SPTBN5: variants seen among roughly 807,000 people sequenced by gnomAD.
SPTBN5 encodes spectrin beta, non-erythrocytic 5.
SPTBN5 carries 513 observed loss-of-function variants against 477.6 expected under a neutral mutation model. The ratio of observed to expected loss-of-function variants is 1.07; its 90% CI spans 1.00 to 1.16. SPTBN5 has a LOEUF of 1.16. Ranked by LOEUF, SPTBN5 falls within the 50% of genes most tolerant of loss-of-function variation. SPTBN5 has a pLI of 0.00. For synonymous variants in SPTBN5, 2,169 were observed against 2,011.7 expected, an observed-to-expected ratio of 1.08 and a Z score of -2.09; for missense variants, 5,062 against 4,731.8, an observed-to-expected ratio of 1.07 and a Z score of -2.05.
chr15:41,865,793 GCAA>G lies in SPTBN5; in HGVS notation c.6918+12_6918+14del. The G allele has an allele frequency of 6.4e-7, 1 of 1,550,942 alleles. No homozygotes were observed. Among genetic ancestry groups the G allele is most frequent in the Non-Finnish European group, 8.7e-7 (1 of 1,147,284 alleles). On this transcript the variant is annotated intron_variant, in intron 39 of 67. Coordinates refer to ENST00000320955, the MANE Select transcript of SPTBN5 (RefSeq NM_016642.4). ...GGGATGCATGGCCAACCTCTACCCA[GCAA>G]GGCCCTCTTACCCCGGCCGAGTTTC... is the stretch of plus-strand genomic sequence containing the variant.
Position 41,882,002 on chromosome 15 carries a change from G to C in SPTBN5, c.2391C>G (p.Phe797Leu). The change falls in exon 12 of 68, where the codon TTC becomes TTG. Residue 797 changes from phenylalanine to leucine, a missense_variant. Transcript: ENST00000320955. ...HVRLERVLRA[F>L]AAELRRLEEQ... ...CCTCCAGCCGCCGCAGCTCGGCCGC[G>C]AAGGCGCGCAGGACGCGCTCCAGCC... 2 of 1,537,086 alleles carry C rather than the reference G, an allele frequency of 1.3e-6. No homozygotes were observed. Among genetic ancestry groups the C allele is most frequent in the Non-Finnish European group, 1.7e-6 (2 of 1,151,166 alleles).
chr15:41,860,297 C>T (rs571264195), intron 47 of SPTBN5, among the ~76,000 whole-genome samples: 15 of 152,352 alleles, frequency 9.8e-5, no homozygotes, highest in South Asian at 4.1e-4. Context: ...CCTTCCGTTT[C>T]GTGAGATGAT....
chr15:41,876,665 G>GGGGGGGGGGT lies in SPTBN5; in HGVS notation c.3852-19_3852-18insACCCCCCCCC. ...CTCTGACCCTGGAGGGCGGGGGGGG[G>GGGGGGGGGGT]TTGGAGGAGGGCATGGGAGAGGACT... On this transcript the variant is annotated intron_variant, in intron 19 of 67. Transcript: ENST00000320955. The GGGGGGGGGGT allele has an allele frequency of 1.5e-6, 2 of 1,292,942 alleles. No individual in the cohort carries two copies. Among genetic ancestry groups the GGGGGGGGGGT allele is most frequent in the Non-Finnish European group, 1.1e-6 (1 of 904,826 alleles). 80.1% of individuals were successfully genotyped at this position (1,292,942 alleles called of 1,614,324 possible).
chr15:41,851,883 G>C, intron 62 of SPTBN5, 33 bp from the exon 63 acceptor site: 1 of 1,569,566 alleles, frequency 6.4e-7, no homozygotes, highest in Non-Finnish European at 8.7e-7. Flanking sequence ...AGAAATGTCA[G>C]GACCAGCACC....
At position 41,876,656 on chromosome 15, in the gene SPTBN5, C is replaced by CGGGGGGG; in HGVS notation, c.3852-16_3852-10dup. 1 of 703,386 alleles carries CGGGGGGG rather than the reference C, an allele frequency of 1.4e-6. No individual in the cohort carries two copies. Among genetic ancestry groups the CGGGGGGG allele is most frequent in the Non-Finnish European group, 2.2e-6 (1 of 455,608 alleles). 43.6% of individuals were successfully genotyped at this position (703,386 alleles called of 1,614,324 possible). ...GCAGCTGCTCTCTGACCCTGGAGGG[C>CGGGGGGG]GGGGGGGGGTTGGAGGAGGGCATGG... On this transcript the variant is annotated splice_polypyrimidine_tract_variant and intron_variant, in intron 19 of 67. Transcript: ENST00000320955.
At chr15:41,852,396 C>T (rs1202695734) in intron 61 of SPTBN5, 80 bp from the exon 62 acceptor site, 3 of 1,479,864 alleles carry the variant, frequency 2.0e-6, no homozygotes, top group Non-Finnish European at 2.7e-6. Flanking sequence ...TACCTCCCCT[C>T]CCCCAGCCCT....
Position 41,883,437 on chromosome 15 carries a change from C to G in SPTBN5, c.1570G>C (p.Gly524Arg), listed in dbSNP as rs1488984909. 1.9e-6 allele frequency: 3 copies of G among 1,613,952 alleles called. No individual in the cohort carries two copies. Among genetic ancestry groups the G allele is most frequent in the Non-Finnish European group, 2.5e-6 (3 of 1,179,888 alleles). The change falls in exon 8 of 68, where the codon GGA becomes CGA. Residue 524 changes from glycine to arginine, a missense_variant. Coordinates refer to ENST00000320955, the MANE Select transcript of SPTBN5 (RefSeq NM_016642.4). ...RWQRLLQHLQ[G>R]QRKQVADMQA... ...ATGTCTGCCACCTGCTTCCTCTGTC[C>G]CTGTAGATGCTGAAGGAGCCTCTGC...
intron 52 of SPTBN5, 122 bp from the exon 53 acceptor site, chr15:41,856,720 T>C: frequency 7.5e-7 from 1 of 1,334,144 alleles, no homozygotes; most frequent in Non-Finnish European, 1.0e-6. Context: ...TCCCCATGAC[T>C]CCCAAAGAAT....
chr15:41,873,786 G>A (rs2066621117), intron 25 of SPTBN5, 59 bp downstream of exon 25: 5 of 1,589,542 alleles, frequency 3.1e-6, no homozygotes, highest in South Asian at 2.2e-5. Context: ...CCCACAGGTG[G>A]CCCCTCAAGG....
chr15:41,850,978 T>C (rs2065736081), intron 65 of SPTBN5, 39 bp from the exon 66 acceptor site: 1 of 1,590,164 alleles, frequency 6.3e-7, no homozygotes, highest in African/African-American at 1.3e-5. Flanking sequence ...CACTGTCCCT[T>C]TGGGGACCCC....
chr15:41,880,375 G>A, intron 13 of SPTBN5, 63 bp from the exon 14 acceptor site: 2 of 1,482,196 alleles, frequency 1.3e-6, no homozygotes, highest in Admixed American at 4.7e-5. Context: ...TCTCAGAGCG[G>A]GTCAAAGGGG....
In SPTBN5 at chr15:41,874,322, A is replaced by G. The variant is rs748118894; in HGVS notation, c.4659T>C (p.Asn1553=). 1.2e-6 allele frequency: 2 copies of G among 1,613,588 alleles called. No homozygotes were observed. The highest frequency in any genetic ancestry group is 2.2e-5 in the South Asian group (2 of 91,064). The stretch of plus-strand genomic sequence containing the variant: ...GCTTGCGGTGAAGGCTCTGGGCACC[A>G]TTCAAGCACTCGGTATAGCTGGTGG... ...GSPTSYTECL[N]GAQSLHRKHK... Residue 1553 remains asparagine, a synonymous_variant, in exon 24 of 68, where the codon AAT becomes AAC. Coordinates refer to ENST00000320955, the MANE Select transcript of SPTBN5 (RefSeq NM_016642.4).
rs1173492596 is a variant in SPTBN5, at chr15:41,849,859, G to C, written c.11012+10C>G. 19 of 1,562,062 alleles carry C rather than the reference G, an allele frequency of 1.2e-5. No individual in the cohort carries two copies. The highest frequency in any genetic ancestry group is 1.6e-5 in the Non-Finnish European group (18 of 1,152,810). ...CTCCCCGCCCTGCTTCCCCCACCCA[G>C]GTGTCCCACCTGAGTAGACATCCAG... On this transcript the variant is annotated intron_variant, in intron 67 of 67. Transcript: ENST00000320955.
intron 7 of SPTBN5, 113 bp downstream of exon 7, chr15:41,885,622 C>A: frequency 7.7e-7 from 1 of 1,304,068 alleles, no homozygotes; most frequent in Non-Finnish European, 1.0e-6. Context: ...TCCCTGAACC[C>A]ATAAATCATC....
intron 66 of SPTBN5, 51 bp downstream of exon 66, chr15:41,850,803 T>C: frequency 6.7e-7 from 1 of 1,486,786 alleles, no homozygotes; most frequent in Non-Finnish European, 9.1e-7. Context: ...CCCAGGAGCT[T>C]GGGGCCCAGG....
chr15:41,872,726 C>A (rs569013709), intron 26 of SPTBN5, among the ~76,000 whole-genome samples: 1 of 152,344 alleles, frequency 6.6e-6, no homozygotes, highest in Middle Eastern at 3.4e-3. Flanking sequence ...GCTGGCTAAT[C>A]TGGGCCAAGG....
intron 14 of SPTBN5, 137 bp from the exon 15 acceptor site, chr15:41,880,001 G>A (rs2066893323): frequency 4.2e-6 from 6 of 1,424,302 alleles, no homozygotes; most frequent in African/African-American, 2.9e-5. Context: ...ACAGCCATCC[G>A]AGTCCTTAAG....
rs1408656452 is a variant in SPTBN5, at chr15:41,862,874, C to A, written c.7179G>T (p.Gly2393=). ...GCCTCTGCACGCTCTCCAGATCTTT[C>A]CCACAGTCCAGGGCCTGGATCAGGG... The part of the protein sequence containing the change: ...KEALIQALDC[G]KDLESVQRLL... Residue 2393 remains glycine, a synonymous_variant, in exon 42 of 68, where the codon GGG becomes GGT. Transcript: ENST00000320955. The A allele has an allele frequency of 1.3e-6, 2 of 1,587,342 alleles. No homozygotes were observed. The highest frequency in any genetic ancestry group is 1.7e-6 in the Non-Finnish European group (2 of 1,167,610).
Position 41,869,864 on chromosome 15 carries a change from G to T in SPTBN5, c.5830C>A (p.Leu1944Ile). The T allele has an allele frequency of 1.3e-6, 2 of 1,560,718 alleles. No individual in the cohort carries two copies. Among genetic ancestry groups the T allele is most frequent in the Non-Finnish European group, 1.7e-6 (2 of 1,162,920 alleles). ...QRRAQLERAR[L>I]LARFRTAVRD... ...ACCGCCGTGCGGAAGCGGGCCAGGA[G>T]GCGTGCCCGCTCCAGCTGGGCCCTG... The change falls in exon 32 of 68, where the codon CTC (leucine) becomes ATC (isoleucine). Residue 1944 changes from leucine to isoleucine, a missense_variant. By Grantham distance (5) the Leu-to-Ile change is conservative (BLOSUM62 2). Coordinates refer to ENST00000320955, the MANE Select transcript of SPTBN5 (RefSeq NM_016642.4).
Sources: gnomAD v4.1 joint callset for allele counts (sites outside exome capture counted in the v4.1 genomes callset) on GRCh38, gnomAD v4.1.1 for gene constraint, MANE v1.5 for transcripts, NCBI Gene and HGNC (gene_info 2026-07-23, HGNC 2026-07-21) for gene names.